Variants in NSD2 observed in about 807,000 individuals in gnomAD.
NSD2 encodes nuclear receptor binding SET domain protein 2.
A neutral mutation model predicts 139.0 loss-of-function variants in NSD2; 12 were observed. The observed-to-expected ratio is 0.09, with a 90% CI of 0.06 to 0.14. The LOEUF is 0.14. Among genes scored for constraint, NSD2 ranks in the 10% least tolerant of loss-of-function variants. NSD2 has a pLI of 1.00. For missense variants in NSD2, 1,155 were observed against 1,745.0 expected, an observed-to-expected ratio of 0.66 and a Z score of 6.02; for synonymous variants, 669 against 648.7, an observed-to-expected ratio of 1.03 and a Z score of -0.48.
chr4:1,952,271 C>T, intron 11 of NSD2, 40 bp downstream of exon 11: 2 of 1,608,998 alleles, frequency 1.2e-6, no homozygotes, highest in Middle Eastern at 2.1e-4. Flanking sequence ...GCCTGGCCGG[C>T]CACCTGCTCC....
At chr4:1,941,820 C>G (rs557677490) in intron 9 of NSD2, 1 of 1,052,912 alleles carries the variant, frequency 9.5e-7, no homozygotes, top group East Asian at 5.4e-5. Flanking sequence ...ATAAACTTGT[C>G]TATTATATAT....
chr4:1,941,734 T>A (rs1003905774), intron 9 of NSD2: 1 of 1,047,798 alleles, frequency 9.5e-7, no homozygotes, highest in Non-Finnish European at 1.2e-6. Flanking sequence ...AAACTACTTT[T>A]GTATGGCTTA....
chr4:1,978,479 C>T (rs745607796), intron 21 of NSD2, among the ~76,000 whole-genome samples, 159 bp from the exon 22 acceptor site: 12 of 152,174 alleles, frequency 7.9e-5, no homozygotes, highest in Non-Finnish European at 2.9e-5. Flanking sequence ...GGAGCCCGCC[C>T]GGGCTGTGGT....
intron 2 of NSD2, among the ~76,000 whole-genome samples, chr4:1,901,987 C>T (rs1324897233): frequency 6.6e-6 from 1 of 152,114 alleles, no homozygotes; most frequent in Non-Finnish European, 1.5e-5. Context: ...CCCTGACACT[C>T]GGATGAGTAT....
chr4:1,957,826 A>G, intron 15 of NSD2, 107 bp from the exon 16 acceptor site: 2 of 1,074,200 alleles, frequency 1.9e-6, no homozygotes, highest in East Asian at 2.5e-5. Flanking sequence ...GGAACCAGAA[A>G]CTATACTTAA....
chr4:1,911,587 CAAAA>C (rs372660600), intron 3 of NSD2, among the ~76,000 whole-genome samples: 1 of 42,076 alleles, frequency 2.4e-5, no homozygotes, highest in East Asian at 7.9e-4. Context: ...GACGCCATCT[CAAAA>C]AAAAAAAAAA....
chr4:1,915,573 G>A (rs1490749439), intron 3 of NSD2, among the ~76,000 whole-genome samples: 1 of 152,114 alleles, frequency 6.6e-6, no homozygotes, highest in Non-Finnish European at 1.5e-5. Flanking sequence ...GTGTGTTTTG[G>A]ATTCATTCAT....
At chr4:1,910,841 G>A (rs1718567067) in intron 3 of NSD2, among the ~76,000 whole-genome samples, 1 of 152,048 alleles carries the variant, frequency 6.6e-6, no homozygotes, top group African/African-American at 2.4e-5. Flanking sequence ...TGGGGCTCTG[G>A]TGCCCTCCAG....
intron 5 of NSD2, among the ~76,000 whole-genome samples, chr4:1,926,150 ATTTTTTTTTTTT>A (rs35448464): frequency 8.2e-6 from 1 of 121,528 alleles, no homozygotes; most frequent in African/African-American, 3.2e-5. Context: ...TTGGGCCTGA[ATTTTTTTTTTTT>A]TTTTTTTTTT....
intron 1 of NSD2, among the ~76,000 whole-genome samples, chr4:1,898,706 T>G (rs1337071585): frequency 1.3e-5 from 2 of 149,524 alleles, no homozygotes; most frequent in South Asian, 2.1e-4. Flanking sequence ...TTTTTTTTTT[T>G]GTCCAGCAGC....
intron 10 of NSD2, 21 bp downstream of exon 10, chr4:1,951,224 G>C: frequency 6.2e-7 from 1 of 1,613,630 alleles, no homozygotes; most frequent in African/African-American, 1.3e-5. Context: ...GGCAGCATCC[G>C]CTATGTCCGT....
At chr4:1,970,657 G>C (rs1726365223) in intron 18 of NSD2, among the ~76,000 whole-genome samples, 1 of 152,232 alleles carries the variant, frequency 6.6e-6, no homozygotes, top group Admixed American at 6.5e-5. Flanking sequence ...AGAAGCTGAG[G>C]TGTGTTCAGG....
At chr4:1,960,555 GCA>G (rs1240359153) in intron 17 of NSD2, among the ~76,000 whole-genome samples, 1 of 152,232 alleles carries the variant, frequency 6.6e-6, no homozygotes, top group Non-Finnish European at 1.5e-5. Context: ...GGCTGACCCA[GCA>G]CAGAGAGTTC....
At chr4:1,884,559 A>G (rs759482849) in intron 1 of NSD2, among the ~76,000 whole-genome samples, 10 of 151,758 alleles carry the variant, frequency 6.6e-5, no homozygotes, top group South Asian at 6.3e-4. Flanking sequence ...ACGCCTAGCT[A>G]ATTTTTATAT....
chr4:1,934,578 G>T (rs1166061384), intron 6 of NSD2, among the ~76,000 whole-genome samples: 1 of 150,046 alleles, frequency 6.7e-6, no homozygotes, highest in African/African-American at 2.4e-5. Context: ...GGCCAGGCGC[G>T]GTGGCTCACG....
chr4:1,982,105 C>T lies in NSD2; in HGVS notation c.*3196C>T. On this transcript the variant is annotated 3_prime_UTR_variant, in exon 22 of 22. Transcript: ENST00000508803. ...TACTGAAATAGAGAGTTGAGACTTG[C>T]CAGTTGGGGGAAAATAGCATTTAAA... is the stretch of plus-strand genomic sequence containing the variant. 2.5e-6 allele frequency: 1 copy of T among 396,698 alleles called. No individual in the cohort carries two copies. The highest frequency in any genetic ancestry group is 4.4e-6 in the Non-Finnish European group (1 of 225,474). 24.6% of individuals were successfully genotyped at this position (396,698 alleles called of 1,614,324 possible).
At chr4:1,919,218 G>T (rs1475312181) in intron 5 of NSD2, 1 of 151,764 alleles carries the variant, frequency 6.6e-6, no homozygotes, top group African/African-American at 2.4e-5. Flanking sequence ...GTCTCAACAG[G>T]CTGCGCTTTG....
chr4:1,979,020 C>G lies in NSD2; in HGVS notation c.*111C>G. 7.4e-7 allele frequency: 1 copy of G among 1,359,388 alleles called. No homozygotes were observed. Among genetic ancestry groups the G allele is most frequent in the Non-Finnish European group, 9.7e-7 (1 of 1,034,128 alleles). The allele number at this position is 1,359,388 out of a possible 1,614,324, so 84.2% of individuals were successfully genotyped here. A position where few individuals can be genotyped will look rare whatever the true frequency, so the allele number is the denominator to read the frequency against. ...GAGGACCCAGCTCGAGCCGCCAGGA[C>G]ACAGACGTACAGGCCTCCTCGGGAG... On this transcript the variant is annotated 3_prime_UTR_variant, in exon 22 of 22. Transcript: ENST00000508803.
intron 18 of NSD2, among the ~76,000 whole-genome samples, chr4:1,966,759 A>G (rs772643266): frequency 1.3e-5 from 2 of 152,126 alleles, no homozygotes; most frequent in Non-Finnish European, 2.9e-5. Context: ...TTTTCTATAT[A>G]ATTTAAGCTA....
Sources: allele counts gnomAD v4.1 joint callset (sites outside exome capture counted in the v4.1 genomes callset), GRCh38; gene constraint gnomAD v4.1.1; transcripts MANE v1.5; gene names NCBI Gene and HGNC (gene_info 2026-07-23, HGNC 2026-07-21).